Variants in STRA8 observed in about 807,000 individuals in gnomAD.
The protein encoded by STRA8 is stimulated by retinoic acid gene 8 protein homolog.
Under a neutral mutation model 37.1 loss-of-function variants are expected in STRA8, and 18 were observed. The ratio of observed to expected loss-of-function variants is 0.48; its 90% confidence interval spans 0.34 to 0.72. The LOEUF (loss-of-function observed/expected upper bound fraction) is 0.72. Ranked by LOEUF, STRA8 falls within the 30% of genes least tolerant of loss-of-function variation. STRA8 has a pLI of 0.01. For synonymous variants in STRA8, 168 were observed against 162.9 expected (o/e 1.03, Z -0.24); for missense variants, 357 against 410.4 (o/e 0.87, Z 1.13).
intron 2 of STRA8, 51 bp from the exon 3 acceptor site, chr7:135,242,730 A>AGTC: frequency 6.3e-7 from 1 of 1,587,034 alleles, no homozygotes; most frequent in South Asian, 1.1e-5. Context: ...CCACAAAATC[A>AGTC]GTCTCTGCAG....
intron 8 of STRA8, among the ~76,000 whole-genome samples, chr7:135,256,690 A>T (rs1832707840): frequency 1.3e-5 from 2 of 152,204 alleles, no homozygotes. Context: ...CTGTAGTCCC[A>T]GCTACTCAGG....
At chr7:135,252,810 G>T (rs1832654409) in intron 7 of STRA8, among the ~76,000 whole-genome samples, 1 of 152,168 alleles carries the variant, frequency 6.6e-6, no homozygotes, top group East Asian at 1.9e-4. Context: ...CAGTTCTGGA[G>T]GTTGGGGAGT....
chr7:135,247,955 G>T (rs533980772), intron 6 of STRA8, among the ~76,000 whole-genome samples: 2 of 152,244 alleles, frequency 1.3e-5, no homozygotes, highest in Non-Finnish European at 2.9e-5. Flanking sequence ...CACATGCCCT[G>T]TGCTTCGTGG....
chr7:135,247,758 CGCTAGTCAGAATG>C (rs1350388178), intron 6 of STRA8, among the ~76,000 whole-genome samples: 1 of 152,222 alleles, frequency 6.6e-6, no homozygotes, highest in Non-Finnish European at 1.5e-5. Flanking sequence ...GCTTTCAGAA[CGCTAGTCAGAATG>C]GCCGTGGCCA....
intron 1 of STRA8, among the ~76,000 whole-genome samples, chr7:135,237,864 C>A (rs968834969): frequency 6.6e-6 from 1 of 151,864 alleles, no homozygotes; most frequent in Admixed American, 6.6e-5. Context: ...TGCACTCCAA[C>A]CCAGGCGACA....
At chr7:135,253,327 A>C (rs1024987243) in intron 7 of STRA8, among the ~76,000 whole-genome samples, 8 of 151,966 alleles carry the variant, frequency 5.3e-5, no homozygotes, top group African/African-American at 1.9e-4. Context: ...ACCTCCTAAC[A>C]CCATCACCCT....
chr7:135,245,198 TG>T, intron 4 of STRA8, 89 bp from the exon 5 acceptor site: 2 of 764,680 alleles, frequency 2.6e-6, no homozygotes, highest in Admixed American at 1.7e-5. Context: ...TACATATACA[TG>T]TATACTTGCT....
intron 1 of STRA8, among the ~76,000 whole-genome samples, chr7:135,234,162 A>T (rs191730737): frequency 3.6e-4 from 55 of 151,904 alleles, no homozygotes; most frequent in African/African-American, 1.3e-3. Flanking sequence ...GCTGGAGTGC[A>T]ATGGCGAGAT....
intron 1 of STRA8, among the ~76,000 whole-genome samples, 176 bp downstream of exon 1, chr7:135,234,079 G>C (rs1005852597): frequency 1.4e-4 from 21 of 150,264 alleles, no homozygotes; most frequent in African/African-American, 5.2e-4. Flanking sequence ...AGTGATTCTG[G>C]ATGATGATGA....
rs528155972 is a variant in STRA8, at chr7:135,243,403, A to G, written c.346A>G (p.Asn116Asp). ...KKEYASMYSGNDSLLSNSFPQ... is the reference protein window; with the variant it reads ...KKEYASMYSGDDSLLSNSFPQ... ...AGAATATGCCAGCATGTATTCTGGA[A>G]ATGACAGGTAAGACACCACAAACCC... The change falls in exon 4 of 9, where the codon AAT becomes GAT. Residue 116 changes from asparagine to aspartate, a missense_variant. Transcript: ENST00000662584. The G allele has an allele frequency of 3.7e-6, 6 of 1,614,036 alleles. No individual in the cohort carries two copies. The African/African-American group carries it at 4.0e-5, about 11-fold the overall frequency.
chr7:135,245,741 G>T (rs1466670325), intron 5 of STRA8, among the ~76,000 whole-genome samples: 1 of 152,196 alleles, frequency 6.6e-6, no homozygotes, highest in Non-Finnish European at 1.5e-5. Flanking sequence ...TAGTCTCAAA[G>T]CTACATTAGC....
At chr7:135,251,935 G>A (rs1451021095) in intron 7 of STRA8, 66 bp downstream of exon 7, 12 of 1,483,602 alleles carry the variant, frequency 8.1e-6, no homozygotes, top group African/African-American at 5.6e-5. Flanking sequence ...TGTGTGCGCA[G>A]GTGTGTATGT....
chr7:135,245,223 A>G (rs1832527789), intron 4 of STRA8, 65 bp from the exon 5 acceptor site: 1 of 778,654 alleles, frequency 1.3e-6, no homozygotes, highest in Middle Eastern at 2.3e-4. Flanking sequence ...GTTGCTAAGA[A>G]TTTCTTGTCC....
intron 6 of STRA8, among the ~76,000 whole-genome samples, chr7:135,247,844 C>T (rs1832586981): frequency 6.6e-6 from 1 of 152,236 alleles, no homozygotes; most frequent in Non-Finnish European, 1.5e-5. Flanking sequence ...TAAAAGTGGG[C>T]CCACAGCTGC....
chr7:135,250,311 A>C (rs1287170317), intron 6 of STRA8, among the ~76,000 whole-genome samples: 1 of 152,076 alleles, frequency 6.6e-6, no homozygotes, highest in African/African-American at 2.4e-5. Flanking sequence ...TGGTGGGCTG[A>C]TTGCTTAAGG....
chr7:135,245,220 A>C lies in STRA8; in HGVS notation c.354-68A>C, dbSNP rs371451669. 1.8e-4 allele frequency: 143 copies of C among 778,262 alleles called. No individual in the cohort carries two copies. In the African/African-American group the frequency reaches 2.3e-3, roughly 13 times the overall value. 48.2% of individuals were successfully genotyped at this position (778,262 alleles called of 1,614,324 possible). On this transcript the variant is annotated intron_variant, in intron 4 of 8. Coordinates refer to ENST00000662584, the MANE Select transcript of STRA8 (RefSeq NM_001394401.1). Reference sequence around the variant, plus strand: ...ACATGTATACTTGCTAAAGTTGCTAAGAATTTCTTGTCCATGTTCATGAGG... The same window carrying C: ...ACATGTATACTTGCTAAAGTTGCTACGAATTTCTTGTCCATGTTCATGAGG...
At chr7:135,240,253 A>G (rs533841283) in intron 1 of STRA8, among the ~76,000 whole-genome samples, 1 of 152,238 alleles carries the variant, frequency 6.6e-6, no homozygotes, top group South Asian at 2.1e-4. Flanking sequence ...AATTTCAAAA[A>G]CAGAATTTGT....
At chr7:135,234,964 C>CT (rs1290734103) in intron 1 of STRA8, among the ~76,000 whole-genome samples, 1 of 152,056 alleles carries the variant, frequency 6.6e-6, no homozygotes, top group Non-Finnish European at 1.5e-5. Context: ...GCAACCTCTG[C>CT]TTCCTAGGCT....
chr7:135,236,903 T>C (rs903709054), intron 1 of STRA8, among the ~76,000 whole-genome samples: 3 of 152,206 alleles, frequency 2.0e-5, no homozygotes, highest in African/African-American at 7.2e-5. Context: ...GAGTTAATCA[T>C]CTATGTCTAT....
Sources: allele counts gnomAD v4.1 joint callset (sites outside exome capture counted in the v4.1 genomes callset), GRCh38; gene constraint gnomAD v4.1.1; transcripts MANE v1.5; gene names NCBI Gene and HGNC (gene_info 2026-07-23, HGNC 2026-07-21).